The following PTGES3 variants were observed in gnomAD, a reference collection of about 807,000 sequenced individuals.
PTGES3 encodes the protein Hsp90 co-chaperone.
Under a neutral mutation model 29.9 loss-of-function variants are expected in PTGES3, and 5 were observed. The ratio of observed to expected loss-of-function variants is 0.17; its 90% CI spans 0.09 to 0.35. The LOEUF is 0.35. PTGES3 is among the 10% of genes least tolerant of loss of function. PTGES3 has a pLI of 1.00. For synonymous variants in PTGES3, 49 were observed against 57.8 expected (o/e 0.85, Z 0.69); for missense variants, 128 against 190.0 (o/e 0.67, Z 1.92).
At position 56,664,509 on chromosome 12, in the gene PTGES3, T is replaced by G. The variant is rs575728841; in HGVS notation, c.464-11A>C. On this transcript the variant is annotated splice_polypyrimidine_tract_variant and intron_variant, in intron 7 of 7. Transcript: ENST00000262033. Reference sequence around the variant, plus strand: ...CCAGATCTGGCATTTCTGAAAGAATTTTTAAAAATATTAGTATATAGTACA... The same window carrying G: ...CCAGATCTGGCATTTCTGAAAGAATGTTTAAAAATATTAGTATATAGTACA... 2.2e-5 allele frequency: 35 copies of G among 1,599,406 alleles called. No homozygotes were observed. Among genetic ancestry groups the G allele is most frequent in the Non-Finnish European group, 3.0e-5 (35 of 1,171,366 alleles).
At position 56,687,985 on chromosome 12, in the gene PTGES3, G is replaced by C; in HGVS notation, c.2+13C>G. 6.3e-7 allele frequency: 1 copy of C among 1,599,934 alleles called. No individual in the cohort carries two copies. Among genetic ancestry groups the C allele is most frequent in the Non-Finnish European group, 8.5e-7 (1 of 1,174,222 alleles). The stretch of plus-strand genomic sequence containing the variant: ...CACTCGGCGACCTTCCCTCGGCGGG[G>C]TGTCGCACTCACATTGTGAACGGGG... On this transcript the variant is annotated intron_variant, in intron 1 of 7. Coordinates refer to ENST00000262033, the MANE Select transcript of PTGES3 (RefSeq NM_006601.7).
At chr12:56,681,726 G>A (rs1781949768) in intron 1 of PTGES3, among the ~76,000 whole-genome samples, 1 of 151,186 alleles carries the variant, frequency 6.6e-6, no homozygotes, top group Admixed American at 6.6e-5. Context: ...ACGGTGGCAT[G>A]CGCCTGTAAT....
chr12:56,669,696 C>G (rs1203395274), intron 5 of PTGES3, among the ~76,000 whole-genome samples: 1 of 152,166 alleles, frequency 6.6e-6, no homozygotes, highest in Non-Finnish European at 1.5e-5. Flanking sequence ...ACTGCATCCT[C>G]TGCCTCCAGC....
chr12:56,680,334 C>A (rs936090206), intron 1 of PTGES3, among the ~76,000 whole-genome samples: 5 of 151,724 alleles, frequency 3.3e-5, no homozygotes, highest in Non-Finnish European at 7.4e-5. Context: ...CTCAGTCCCC[C>A]AAAGTGGTGG....
At chr12:56,672,652 C>A in intron 3 of PTGES3, 88 bp downstream of exon 3, 5 of 1,364,776 alleles carry the variant, frequency 3.7e-6, no homozygotes, top group Middle Eastern at 2.9e-4. Flanking sequence ...TTAAGAAAAA[C>A]AGAACTAATG....
chr12:56,683,586 G>A (rs950607285), intron 1 of PTGES3, among the ~76,000 whole-genome samples: 1 of 150,770 alleles, frequency 6.6e-6, no homozygotes, highest in African/African-American at 2.4e-5. Flanking sequence ...GAAGGCGGAG[G>A]TTGCAGTGAG....
chr12:56,683,438 AC>A (rs1290021368), intron 1 of PTGES3, among the ~76,000 whole-genome samples: 4 of 126,966 alleles, frequency 3.2e-5, no homozygotes, highest in African/African-American at 1.2e-4. Context: ...GTGACATTGC[AC>A]TTCAGCCTGG....
At position 56,688,254 on chromosome 12, in the gene PTGES3, A is replaced by ACGTG. The variant is rs1212643808; in HGVS notation, c.-259_-256dup. 12 of 580,840 alleles carry ACGTG rather than the reference A, an allele frequency of 2.1e-5. No individual in the cohort carries two copies. Among genetic ancestry groups the ACGTG allele is most frequent in the South Asian group, 3.4e-5 (1 of 29,228 alleles). 36.0% of individuals were successfully genotyped at this position (580,840 alleles called of 1,614,324 possible). ...AAAGGGGCGCGAGGACGGAGAATGA[A>ACGTG]CGTGCGTGCGTGCAAACGAGGGGTG... On this transcript the variant is annotated 5_prime_UTR_variant, in exon 1 of 8. Coordinates refer to ENST00000262033, the MANE Select transcript of PTGES3 (RefSeq NM_006601.7).
rs200785765 is a variant in PTGES3 at position 56,674,723 on chromosome 12, G to A, written c.3-1658C>T. On this transcript the variant is annotated intron_variant, in intron 1 of 7. Coordinates refer to ENST00000262033, the MANE Select transcript of PTGES3 (RefSeq NM_006601.7). ...CGCCTGTAGTCCCAGCTACTCGGGA[G>A]GCTGAGACAGGAGAATGGCATGAAC... Among the ~76,000 whole-genome samples the A allele has an allele frequency of 2.4e-4, 36 of 149,976 alleles. No individual in the cohort carries two copies. In the East Asian group the frequency reaches 4.7e-3, roughly 20 times the overall value.
At chr12:56,665,850 G>C in intron 6 of PTGES3, 1 of 846,172 alleles carries the variant, frequency 1.2e-6, no homozygotes. Flanking sequence ...GGCTGGTCTC[G>C]AACTCCTGAC....
chr12:56,686,082 AC>A (rs1219949409), intron 1 of PTGES3, among the ~76,000 whole-genome samples: 1 of 148,244 alleles, frequency 6.7e-6, no homozygotes, highest in African/African-American at 2.5e-5. Flanking sequence ...CCTTACACTT[AC>A]TTTTCACCCA....
rs202018510 is a variant in PTGES3, at chr12:56,675,740, T to C, written c.3-2675A>G. Among the ~76,000 whole-genome samples the C allele has an allele frequency of 5.9e-5, 9 of 151,880 alleles. No individual in the cohort carries two copies. In the East Asian group the frequency reaches 1.4e-3, roughly 23 times the overall value. On this transcript the variant is annotated intron_variant, in intron 1 of 7. Transcript: ENST00000262033. Reference sequence around the variant, plus strand: ...GTTCAGAGACCAGCCTGGCAAACATTATGAAACCCCATCTCTACTAAAAAT... The same window carrying C: ...GTTCAGAGACCAGCCTGGCAAACATCATGAAACCCCATCTCTACTAAAAAT...
intron 5 of PTGES3, among the ~76,000 whole-genome samples, chr12:56,668,844 GTACT>G (rs1313348494): frequency 6.6e-6 from 1 of 151,976 alleles, no homozygotes. Context: ...TGTTCTTTCT[GTACT>G]TAGTTTTATT....
Position 56,664,957 on chromosome 12 carries a change from T to A in PTGES3, c.439-157A>T, listed in dbSNP as rs940211445. 47 of 985,346 alleles carry A rather than the reference T, an allele frequency of 4.8e-5. No individual in the cohort carries two copies. In the African/African-American group the frequency reaches 7.7e-4, roughly 16 times the overall value. 61.0% of individuals were successfully genotyped at this position (985,346 alleles called of 1,614,324 possible). A position where few individuals can be genotyped will look rare whatever the true frequency, so the allele number is the denominator to read the frequency against. On this transcript the variant is annotated intron_variant, in intron 6 of 7. Transcript: ENST00000262033. ...AATTTAGTCATTGGACTTGACTAGG[T>A]TTACCTAAGGTGAATGGATGTACAG...
At chr12:56,668,794 G>A (rs912972905) in intron 5 of PTGES3, among the ~76,000 whole-genome samples, 1 of 152,132 alleles carries the variant, frequency 6.6e-6, no homozygotes, top group Non-Finnish European at 1.5e-5. Context: ...ATAGCAACAA[G>A]AAATGGATTT....
intron 1 of PTGES3, among the ~76,000 whole-genome samples, chr12:56,675,797 C>A (rs1213073905): frequency 6.6e-6 from 1 of 152,002 alleles, no homozygotes; most frequent in Admixed American, 6.6e-5. Context: ...GTGATGGGCA[C>A]CTGTAATCCC....
intron 1 of PTGES3, among the ~76,000 whole-genome samples, chr12:56,684,408 C>G (rs1315264055): frequency 6.6e-6 from 1 of 152,160 alleles, no homozygotes; most frequent in Non-Finnish European, 1.5e-5. Context: ...TGAACAAAGG[C>G]CACCCACCAT....
chr12:56,669,617 A>G (rs1277999090), intron 5 of PTGES3, among the ~76,000 whole-genome samples: 2 of 150,952 alleles, frequency 1.3e-5, no homozygotes, highest in Non-Finnish European at 3.0e-5. Context: ...ATCGTTCTGC[A>G]TTTATTTATT....
chr12:56,683,758 G>A (rs1404388500), intron 1 of PTGES3, among the ~76,000 whole-genome samples: 1 of 151,780 alleles, frequency 6.6e-6, no homozygotes, highest in Admixed American at 6.6e-5. Context: ...AGGAGATCGA[G>A]ACCATTCTGG....
Sources: allele counts gnomAD v4.1 joint callset (sites outside exome capture counted in the v4.1 genomes callset), GRCh38; gene constraint gnomAD v4.1.1; transcripts MANE v1.5; gene names NCBI Gene and HGNC (gene_info 2026-07-23, HGNC 2026-07-21).